GOLPH3: variants seen among roughly 807,000 people sequenced by gnomAD.
GOLPH3 encodes coat protein GPP34.
GOLPH3 carries 14 observed loss-of-function variants against 28.5 expected under a neutral mutation model. That is an observed-to-expected ratio of 0.49 (90% confidence interval 0.32 to 0.77). GOLPH3 has a LOEUF of 0.77. Among genes scored for constraint, GOLPH3 ranks in the 30% least tolerant of loss-of-function variants. The pLI is 0.03. For missense variants in GOLPH3, 350 were observed against 393.7 expected, an observed-to-expected ratio of 0.89 and a Z score of 0.94; for synonymous variants, 158 against 159.2, an observed-to-expected ratio of 0.99 and a Z score of 0.06.
chr5:32,157,978 AAAAT>A (rs199592768), intron 1 of GOLPH3, among the ~76,000 whole-genome samples: 1,111 of 38,208 alleles, frequency 0.029, 55 homozygotes, highest in Middle Eastern at 0.053. Context: ...ACTCTGTCTC[AAAAT>A]AAATAAATAA....
chr5:32,169,126 TTTTTAA>T (rs1746778386), intron 1 of GOLPH3, among the ~76,000 whole-genome samples: 1 of 151,922 alleles, frequency 6.6e-6, no homozygotes, highest in African/African-American at 2.4e-5. Flanking sequence ...AAAAAATTTT[TTTTTAA>T]TTAGCTGGGC....
At position 32,143,763 on chromosome 5, in the gene GOLPH3, G is replaced by T; in HGVS notation, c.343C>A (p.Leu115Ile). ...ACTCCTCTTACCTTTCTTGTTAATA[G>T]ACTTTTACGTCTCATTCCACAAGCC... ...LEACGMRRKS[L>I]LTRKVICKSD... Residue 115 changes from leucine (L) to isoleucine (I), a missense_variant, in exon 2 of 4, where the codon CTA becomes ATA. By Grantham distance (5) the Leu-to-Ile change is conservative. Coordinates refer to ENST00000265070, the MANE Select transcript of GOLPH3 (RefSeq NM_022130.4). 6.2e-7 allele frequency: 1 copy of T among 1,607,578 alleles called. No homozygotes were observed. The highest frequency in any genetic ancestry group is 8.5e-7 in the Non-Finnish European group (1 of 1,178,000).
intron 1 of GOLPH3, among the ~76,000 whole-genome samples, chr5:32,163,547 G>A (rs1746640766): frequency 1.3e-5 from 2 of 152,158 alleles, no homozygotes; most frequent in African/African-American, 4.8e-5. Flanking sequence ...CCAGCTACTT[G>A]GGAGGCTGAG....
intron 1 of GOLPH3, among the ~76,000 whole-genome samples, chr5:32,173,332 A>T (rs1746888853): frequency 6.6e-6 from 1 of 151,732 alleles, no homozygotes; most frequent in Non-Finnish European, 1.5e-5. Context: ...AGTAAGCTTT[A>T]ACTGAAGAAG....
chr5:32,173,059 C>G (rs564923574), intron 1 of GOLPH3, among the ~76,000 whole-genome samples: 1 of 152,284 alleles, frequency 6.6e-6, no homozygotes, highest in South Asian at 2.1e-4. Flanking sequence ...TTCAACCCAC[C>G]TGAAGCTTTG....
At chr5:32,137,103 G>A (rs1471285228) in intron 2 of GOLPH3, among the ~76,000 whole-genome samples, 3 of 151,866 alleles carry the variant, frequency 2.0e-5, no homozygotes, top group African/African-American at 7.3e-5. Flanking sequence ...GGAATAACAG[G>A]TGTGTGCCAC....
At chr5:32,165,222 T>G (rs1746684540) in intron 1 of GOLPH3, among the ~76,000 whole-genome samples, 1 of 152,164 alleles carries the variant, frequency 6.6e-6, no homozygotes, top group Non-Finnish European at 1.5e-5. Flanking sequence ...TTATGTATTC[T>G]TAATGTGAGT....
chr5:32,147,791 A>G (rs1746211006), intron 1 of GOLPH3, among the ~76,000 whole-genome samples: 1 of 152,184 alleles, frequency 6.6e-6, no homozygotes, highest in Admixed American at 6.5e-5. Context: ...AATAACTATG[A>G]ACCACAAAGT....
intron 1 of GOLPH3, among the ~76,000 whole-genome samples, chr5:32,151,487 T>G: frequency 6.6e-6 from 1 of 152,160 alleles, no homozygotes. Flanking sequence ...TCTAACCGGG[T>G]GACAAAGCAA....
Position 32,161,043 on chromosome 5 carries a change from G to A in GOLPH3, c.225+12767C>T, listed in dbSNP as rs538773933. 5.0e-4 allele frequency among the ~76,000 whole-genome samples: 69 copies of A among 137,870 alleles called. 5 individuals are homozygous for A. The highest frequency in any genetic ancestry group is 1.9e-3 in the African/African-American group (66 of 35,610). The allele number at this position is 137,870 out of a possible 152,430, so 90.4% of individuals were successfully genotyped here. On this transcript the variant is annotated intron_variant, in intron 1 of 3. Transcript: ENST00000265070. ...GATCGCGCCACTGCACTCCAGCCTG[G>A]GTGACAGAGCGAGACTCCGTCTCAA...
chr5:32,151,946 G>T (rs1208724927), intron 1 of GOLPH3, among the ~76,000 whole-genome samples: 1 of 152,178 alleles, frequency 6.6e-6, no homozygotes, highest in Admixed American at 6.5e-5. Context: ...GGTTCCCAGG[G>T]ACTGTGGAGA....
intron 1 of GOLPH3, among the ~76,000 whole-genome samples, chr5:32,167,167 CTTTT>C (rs1331863392): frequency 6.6e-6 from 1 of 152,082 alleles, no homozygotes; most frequent in Non-Finnish European, 1.5e-5. Flanking sequence ...AAATACAATT[CTTTT>C]GTTTTGTTTT....
At chr5:32,141,162 CA>C (rs5867132) in intron 2 of GOLPH3, among the ~76,000 whole-genome samples, 65,820 of 116,048 alleles carry the variant, frequency 0.57, 16,127 homozygotes, top group Admixed American at 0.64. Flanking sequence ...GACTCAGTCT[CA>C]AAAAAAAAAA....
intron 1 of GOLPH3, among the ~76,000 whole-genome samples, chr5:32,158,003 AAATAAAT>A (rs1561678409): frequency 1.2e-4 from 12 of 98,168 alleles, no homozygotes; most frequent in Non-Finnish European, 4.0e-5. Flanking sequence ...ATAAATAAAT[AAATAAAT>A]AAATAAATAA....
chr5:32,173,323 G>GT (rs1746888702), intron 1 of GOLPH3, among the ~76,000 whole-genome samples: 1 of 151,542 alleles, frequency 6.6e-6, no homozygotes, highest in Non-Finnish European at 1.5e-5. Context: ...ATTCCCAACA[G>GT]TAAGCTTTAA....
chr5:32,149,814 C>T (rs895752234), intron 1 of GOLPH3, among the ~76,000 whole-genome samples: 1 of 151,914 alleles, frequency 6.6e-6, no homozygotes, highest in Non-Finnish European at 1.5e-5. Context: ...CTGGCCAAGG[C>T]GGCAAAACCC....
At chr5:32,140,667 A>C (rs1163424240) in intron 2 of GOLPH3, among the ~76,000 whole-genome samples, 1 of 127,396 alleles carries the variant, frequency 7.8e-6, no homozygotes, top group Non-Finnish European at 1.6e-5. Flanking sequence ...CAGTCTCAGA[A>C]AAAAAAAAAA....
chr5:32,144,996 C>T (rs573329588), intron 1 of GOLPH3, among the ~76,000 whole-genome samples: 2 of 152,312 alleles, frequency 1.3e-5, no homozygotes, highest in South Asian at 2.1e-4. Context: ...GGTAGGAGAA[C>T]AGGCCAACTG....
chr5:32,145,564 AAAC>A (rs1246903873), intron 1 of GOLPH3, among the ~76,000 whole-genome samples: 1 of 152,218 alleles, frequency 6.6e-6, no homozygotes, highest in Non-Finnish European at 1.5e-5. Flanking sequence ...TACAAACTGT[AAAC>A]AACAGAGAAC....
Sources: gnomAD v4.1 joint callset for allele counts (sites outside exome capture counted in the v4.1 genomes callset) on GRCh38, gnomAD v4.1.1 for gene constraint, MANE v1.5 for transcripts, NCBI Gene and HGNC (gene_info 2026-07-23, HGNC 2026-07-21) for gene names.